KDM7A: variants seen among roughly 807,000 people sequenced by gnomAD.
KDM7A encodes lysine-specific demethylase 7A.
In KDM7A, 28 loss-of-function variants were observed where a neutral mutation model predicts 114.8. The observed-to-expected ratio is 0.24, with a 90% CI of 0.18 to 0.33. The LOEUF is 0.33. KDM7A is among the 10% of genes least tolerant of loss of function. The pLI is 1.00. For synonymous variants in KDM7A, 423 were observed against 397.8 expected (o/e 1.06, Z -0.75); for missense variants, 942 against 1,142.5 (o/e 0.82, Z 2.53).
intron 1 of KDM7A, among the ~76,000 whole-genome samples, chr7:140,151,485 A>C (rs1794400002): frequency 6.6e-6 from 1 of 152,202 alleles, no homozygotes. Flanking sequence ...AATTTTGCAA[A>C]TATAAAGGGA....
chr7:140,136,423 T>C (rs1183901702), intron 2 of KDM7A, among the ~76,000 whole-genome samples: 2 of 152,206 alleles, frequency 1.3e-5, no homozygotes, highest in East Asian at 3.8e-4. Flanking sequence ...ATGTAACAGC[T>C]GATTGAATTT....
chr7:140,120,338 T>A (rs1236635992), intron 8 of KDM7A, 104 bp downstream of exon 8: 1 of 657,984 alleles, frequency 1.5e-6, no homozygotes, highest in South Asian at 2.0e-5. Flanking sequence ...ACTATTTCCA[T>A]GGAATCTCAA....
chr7:140,138,343 C>A (rs1228948947), intron 2 of KDM7A, among the ~76,000 whole-genome samples: 1 of 152,024 alleles, frequency 6.6e-6, no homozygotes, highest in Non-Finnish European at 1.5e-5. Context: ...ATAATCCAAG[C>A]CTTTTTCTCT....
intron 11 of KDM7A, among the ~76,000 whole-genome samples, chr7:140,103,873 G>A (rs965136948): frequency 6.6e-6 from 1 of 152,146 alleles, no homozygotes; most frequent in Admixed American, 6.5e-5. Context: ...CTAGATCCCT[G>A]AGGAATCGCC....
At chr7:140,102,310 G>A (rs1454040936) in intron 11 of KDM7A, 150 bp from the exon 12 acceptor site, 1 of 629,946 alleles carries the variant, frequency 1.6e-6, no homozygotes, top group East Asian at 2.7e-5. Flanking sequence ...GCTTCAAACA[G>A]CTTTGCTGAG....
chr7:140,143,672 G>A (rs1794310169), intron 1 of KDM7A, among the ~76,000 whole-genome samples: 1 of 152,194 alleles, frequency 6.6e-6, no homozygotes, highest in Non-Finnish European at 1.5e-5. Flanking sequence ...ACTCTCACCT[G>A]AGAGAACTCT....
chr7:140,175,688 T>C (rs1009493060), intron 1 of KDM7A, among the ~76,000 whole-genome samples: 2 of 152,174 alleles, frequency 1.3e-5, no homozygotes, highest in Admixed American at 6.5e-5. Flanking sequence ...GTCGGCGGCC[T>C]GGCTGCGGAG....
intron 1 of KDM7A, among the ~76,000 whole-genome samples, chr7:140,154,370 T>A (rs1794435062): frequency 6.6e-6 from 1 of 151,652 alleles, no homozygotes; most frequent in Non-Finnish European, 1.5e-5. Flanking sequence ...GGCATGTACC[T>A]GTAGCCCCAG....
rs368521342 is a variant in KDM7A, at chr7:140,114,352, T to A, written c.1247-770A>T. Among the ~76,000 whole-genome samples the A allele has an allele frequency of 5.3e-5, 8 of 152,250 alleles. No homozygotes were observed. In the East Asian group the frequency reaches 9.7e-4, roughly 18 times the overall value. On this transcript the variant is annotated intron_variant, in intron 9 of 19. Coordinates refer to ENST00000397560, the MANE Select transcript of KDM7A (RefSeq NM_030647.2). ...CTGATTGGTTTTCGTATTTTTTTGG[T>A]GGAGACGGGGTTTCGCTGTGTTGGC...
chr7:140,126,931 G>T (rs1011537364), intron 5 of KDM7A, 108 bp from the exon 6 acceptor site: 2 of 799,350 alleles, frequency 2.5e-6, no homozygotes, highest in South Asian at 1.8e-5. Flanking sequence ...GGAACTTAAG[G>T]TTAACAACAA....
chr7:140,108,971 T>A (rs1274677494), intron 11 of KDM7A, among the ~76,000 whole-genome samples: 3 of 152,122 alleles, frequency 2.0e-5, no homozygotes, highest in Non-Finnish European at 4.4e-5. Flanking sequence ...TCAGCAATGG[T>A]GGATGCCCCT....
At chr7:140,157,971 AAAAT>A (rs34647950) in intron 1 of KDM7A, among the ~76,000 whole-genome samples, 14 of 143,776 alleles carry the variant, frequency 9.7e-5, no homozygotes, top group African/African-American at 2.1e-4. Context: ...TCCGTCTCAA[AAAAT>A]AAATAAATAA....
At chr7:140,152,024 G>A (rs535323447) in intron 1 of KDM7A, among the ~76,000 whole-genome samples, 1 of 152,234 alleles carries the variant, frequency 6.6e-6, no homozygotes, top group East Asian at 1.9e-4. Context: ...GTCAACTAAG[G>A]CAAATCAAGT....
rs1214049317 is a variant in KDM7A at position 140,098,961 on chromosome 7, CCTT to C, written c.1833_1835del (p.Arg612del). The C allele has an allele frequency of 6.8e-6, 11 of 1,613,202 alleles. No homozygotes were observed. Among genetic ancestry groups the C allele is most frequent in the Admixed American group, 5.0e-5 (3 of 59,956 alleles). On this transcript the variant is annotated inframe_deletion, in exon 14 of 20. Transcript: ENST00000397560. ...CTATCTTCATTTTTGCCTTTTTTGT[CCTT>C]CTTTTATCCTCTTCATTTTCACTAT...
At chr7:140,167,400 G>C (rs1403798988) in intron 1 of KDM7A, among the ~76,000 whole-genome samples, 2 of 152,018 alleles carry the variant, frequency 1.3e-5, no homozygotes, top group African/African-American at 4.8e-5. Flanking sequence ...AAACATCAAG[G>C]GACAAATCAA....
intron 1 of KDM7A, among the ~76,000 whole-genome samples, chr7:140,168,701 C>T (rs1679160341): frequency 1.3e-5 from 2 of 152,094 alleles, no homozygotes; most frequent in Non-Finnish European, 2.9e-5. Context: ...AAACAATATT[C>T]TGATTAGATA....
rs1378286215 is a variant in KDM7A at position 140,148,615 on chromosome 7, A to G, written c.195-9425T>C. On this transcript the variant is annotated intron_variant, in intron 1 of 19. Coordinates refer to ENST00000397560, the MANE Select transcript of KDM7A (RefSeq NM_030647.2). ...TCTTACTAAAAATACTAGGATGCCA[A>G]TAGGCATTTTCACTTTTAAATTGTT... is the stretch of plus-strand genomic sequence containing the variant. 3.9e-5 allele frequency among the ~76,000 whole-genome samples: 6 copies of G among 152,352 alleles called. No homozygotes were observed. The East Asian group carries it at 5.8e-4, about 15-fold the overall frequency.
chr7:140,106,030 G>C (rs935452253), intron 11 of KDM7A, among the ~76,000 whole-genome samples: 14 of 152,172 alleles, frequency 9.2e-5, no homozygotes, highest in Non-Finnish European at 1.9e-4. Flanking sequence ...GGGTGTATGT[G>C]TTGAGGAATT....
intron 1 of KDM7A, among the ~76,000 whole-genome samples, chr7:140,162,527 TTC>T (rs1356397166): frequency 1.3e-5 from 2 of 152,308 alleles, no homozygotes; most frequent in African/African-American, 4.8e-5. Flanking sequence ...TCACTGTATT[TTC>T]TCTGACATTG....
Sources: allele counts gnomAD v4.1 joint callset (sites outside exome capture counted in the v4.1 genomes callset), GRCh38; gene constraint gnomAD v4.1.1; transcripts MANE v1.5; gene names NCBI Gene and HGNC (gene_info 2026-07-23, HGNC 2026-07-21).